WDR13: variants seen among roughly 807,000 people sequenced by gnomAD.
WDR13 encodes WD repeat domain 13, also known as WD repeat-containing protein 13.
A neutral mutation model predicts 28.6 loss-of-function variants in WDR13; 1 was observed. The observed-to-expected ratio is 0.03, with a 90% CI of 0.01 to 0.17. The LOEUF (loss-of-function observed/expected upper bound fraction) is 0.17, where lower values mean the gene tolerates loss of function less well. Among genes scored for constraint, WDR13 ranks in the 10% least tolerant of loss-of-function variants. The pLI is 1.00. For synonymous variants in WDR13, 201 were observed against 185.9 expected (o/e 1.08, Z -0.66); for missense variants, 264 against 469.3 (o/e 0.56, Z 4.04).
Position 48,598,006 on chromosome X carries a change from G to A in WDR13, c.10G>A (p.Val4Met). ...AGGAGGAGGCCGGGGAATGGCCGCGGTGTGGCAGCAAGTCTTAGCAGTGGA... is the reference window on the plus strand; with the variant it reads ...AGGAGGAGGCCGGGGAATGGCCGCGATGTGGCAGCAAGTCTTAGCAGTGGA... MAA[V>M]WQQVLAVDAR... Residue 4 changes from valine (V) to methionine (M), a missense_variant, in exon 2 of 10, where the codon GTG becomes ATG. Transcript: ENST00000376729. The A allele has an allele frequency of 8.6e-7, 1 of 1,166,204 alleles. No individual in the cohort carries two copies. Among genetic ancestry groups the A allele is most frequent in the Non-Finnish European group, 1.1e-6 (1 of 872,383 alleles).
rs1472062383 is a variant in WDR13 at position 48,607,901 on chromosome X, T to TG, written c.*2872dup. 4 of 108,394 alleles carry TG rather than the reference T, an allele frequency of 3.7e-5. No individual in the cohort carries two copies. Among genetic ancestry groups the TG allele is most frequent in the African/African-American group, 1.3e-4 (4 of 29,689 alleles). 8.9% of individuals were successfully genotyped at this position (108,394 alleles called of 1,213,427 possible). The stretch of plus-strand genomic sequence containing the variant: ...CTCCTGCCTCAGCTTCCTGAATAGC[T>TG]GGGACTACAGGCGCCTGCCACCACC... On this transcript the variant is annotated 3_prime_UTR_variant, in exon 10 of 10. Coordinates refer to ENST00000376729, the MANE Select transcript of WDR13 (RefSeq NM_001347217.2).
At position 48,601,880 on chromosome X, in the gene WDR13, C is replaced by A. The variant is rs2062188745; in HGVS notation, c.928C>A (p.Leu310Met). 1 of 1,206,357 alleles carries A rather than the reference C, an allele frequency of 8.3e-7. No individual in the cohort carries two copies. The highest frequency in any genetic ancestry group is 1.7e-5 in the African/African-American group (1 of 57,442). Residue 310 changes from leucine (L) to methionine (M), a missense_variant, in exon 7 of 10, where the codon CTG (leucine) becomes ATG (methionine). Transcript: ENST00000376729. Reference protein sequence around the residue: ...SSKLTGRVLALSFDAPGRLLW... With the variant: ...SSKLTGRVLAMSFDAPGRLLW... ...CAAGCTGACAGGCCGTGTCCTTGCT[C>A]TGTCCTTTGATGCCCCTGGCCGGCT...
chrX:48,603,381 C>T (rs2062200388), intron 8 of WDR13, among the ~76,000 whole-genome samples: 1 of 111,313 alleles, frequency 9.0e-6, no homozygotes, highest in Admixed American at 9.5e-5. Flanking sequence ...GGCACAGTGG[C>T]GCACTCCTGT....
Position 48,598,993 on chromosome X carries a change from C to T in WDR13, c.282+36C>T, listed in dbSNP as rs2147221691. 4 of 1,171,380 alleles carry T rather than the reference C, an allele frequency of 3.4e-6. No individual in the cohort carries two copies. The East Asian group carries it at 9.0e-5, about 26-fold the overall frequency. ...GGCCACATTCACCCCCGGGCATACC[C>T]TGCCTGCACACATTCACTCCACTGA... On this transcript the variant is annotated intron_variant, in intron 3 of 9. Transcript: ENST00000376729.
chrX:48,604,370 T>C lies in WDR13; in HGVS notation c.1253T>C (p.Phe418Ser). The C allele has an allele frequency of 8.3e-7, 1 of 1,210,220 alleles. No individual in the cohort carries two copies. Among genetic ancestry groups the C allele is most frequent in the Non-Finnish European group, 1.1e-6 (1 of 894,657 alleles). The change falls in exon 9 of 10, where the codon TTC becomes TCC. Residue 418 changes from phenylalanine to serine, a missense_variant. Around this residue, in one of 4 missense-constraint regions of WDR13, gnomAD observed 157 missense variants for 270.2 expected, o/e 0.58. Transcript: ENST00000376729. ...AGCATCTTCTGTCCCCTCATGTCCTTCCGCCAGGGGGCCTGCGTGGGTGAG... is the reference window on the plus strand; with the variant it reads ...AGCATCTTCTGTCCCCTCATGTCCTCCCGCCAGGGGGCCTGCGTGGGTGAG... ...VRSIFCPLMSFRQGACVVTGS... is the reference protein window; with the variant it reads ...VRSIFCPLMSSRQGACVVTGS...
chrX:48,601,991 G>C lies in WDR13; in HGVS notation c.1012+27G>C, dbSNP rs368337074. The C allele has an allele frequency of 3.3e-5, 39 of 1,190,768 alleles. No homozygotes were observed. In the African/African-American group the frequency reaches 6.7e-4, roughly 20 times the overall value. On this transcript the variant is annotated intron_variant, in intron 7 of 9. Transcript: ENST00000376729. Reference sequence around the variant, plus strand: ...TAGGCAGACAGCAGGCCTGCATCTGGGTGCTCGCCCTCCAGCCCTCCCAGG... The same window carrying C: ...TAGGCAGACAGCAGGCCTGCATCTGCGTGCTCGCCCTCCAGCCCTCCCAGG...
In WDR13 at chrX:48,602,062, C is replaced by T; in HGVS notation, c.1013-3C>T. 2 of 1,210,190 alleles carry T rather than the reference C, an allele frequency of 1.7e-6. No individual in the cohort carries two copies. The highest frequency in any genetic ancestry group is 1.1e-6 in the Non-Finnish European group (1 of 894,057). ...TTTGCCTTCCCTCCCTCTGCTGCTG[C>T]AGGGAAGCTGACCAAAGCCAAGCGT... is the stretch of plus-strand genomic sequence containing the variant. On this transcript the variant is annotated splice_polypyrimidine_tract_variant and splice_region_variant and intron_variant, in intron 7 of 9. Coordinates refer to ENST00000376729, the MANE Select transcript of WDR13 (RefSeq NM_001347217.2).
chrX:48,601,771 A>C lies in WDR13; in HGVS notation c.832-13A>C, dbSNP rs2062187818. 1.7e-6 allele frequency: 2 copies of C among 1,155,628 alleles called. No individual in the cohort carries two copies. The highest frequency in any genetic ancestry group is 2.6e-5 in the Admixed American group (1 of 38,927). ...CTGGAAGCAGGATGATGGTCTGTGC[A>C]TTCTCCCCACAGGTGGGGAACGCCA... On this transcript the variant is annotated splice_polypyrimidine_tract_variant and intron_variant, in intron 6 of 9. Transcript: ENST00000376729.
At position 48,607,177 on chromosome X, in the gene WDR13, A is replaced by T. The variant is rs2062225210; in HGVS notation, c.*2145A>T. The T allele has an allele frequency of 9.0e-6, 1 of 110,508 alleles. No homozygotes were observed. Among genetic ancestry groups the T allele is most frequent in the Non-Finnish European group, 1.9e-5 (1 of 52,867 alleles). 9.1% of individuals were successfully genotyped at this position (110,508 alleles called of 1,213,427 possible). A position where few individuals can be genotyped will look rare whatever the true frequency, so the allele number is the denominator to read the frequency against. ...ATATGGAGCAAAATCAGCAAAAAGAAATGGTGTGCAGGACCAACTCCCAGA... is the reference window on the plus strand; with the variant it reads ...ATATGGAGCAAAATCAGCAAAAAGATATGGTGTGCAGGACCAACTCCCAGA... On this transcript the variant is annotated 3_prime_UTR_variant, in exon 10 of 10. Transcript: ENST00000376729.
chrX:48,597,967 G>C lies in WDR13; in HGVS notation c.-30G>C. 4.3e-6 allele frequency: 5 copies of C among 1,164,752 alleles called. No individual in the cohort carries two copies. Among genetic ancestry groups the C allele is most frequent in the Non-Finnish European group, 5.7e-6 (5 of 871,840 alleles). ...GGCCCTTGTCCTGCAGGCTGCCGCG[G>C]GCGGACACGCCAGAGGAGGAGGCCG... On this transcript the variant is annotated 5_prime_UTR_variant, in exon 2 of 10. Transcript: ENST00000376729.
At position 48,600,359 on chromosome X, in the gene WDR13, G is replaced by A. The variant is rs782294723; in HGVS notation, c.564G>A (p.Leu188=). 1 of 1,207,451 alleles carries A rather than the reference G, an allele frequency of 8.3e-7. No individual in the cohort carries two copies. Residue 188 remains leucine, a synonymous_variant, in exon 6 of 10, where the codon CTG becomes CTA. Transcript: ENST00000376729. The stretch of plus-strand genomic sequence containing the variant: ...TCGCCAATGATGACCGACACCGCCT[G>A]GCCTGCTGCTCACTCGACGGCAGCA... ...VRFANDDRHR[L]ACCSLDGSIS...
chrX:48,598,646 A>AC (rs782677176), intron 2 of WDR13, 71 bp from the exon 3 acceptor site: 20,134 of 815,903 alleles, frequency 0.025, 672 homozygotes, highest in African/African-American at 0.2. Context: ...CTCCTGCCGT[A>AC]CCCCCCCCCC....
At chrX:48,603,427 C>T (rs2062200741) in intron 8 of WDR13, among the ~76,000 whole-genome samples, 1 of 111,972 alleles carries the variant, frequency 8.9e-6, no homozygotes, top group Admixed American at 9.5e-5. Flanking sequence ...GCGGGTGGAT[C>T]ACCTGAGGTC....
At chrX:48,598,194 G>A in intron 2 of WDR13, 157 bp downstream of exon 2, 2 of 1,130,010 alleles carry the variant, frequency 1.8e-6, no homozygotes, top group Non-Finnish European at 1.2e-6. Flanking sequence ...CCCGCGGTGA[G>A]TTGGCTGCGC....
rs1445744500 is a variant in WDR13, at chrX:48,607,250, C to A, written c.*2218C>A. On this transcript the variant is annotated 3_prime_UTR_variant, in exon 10 of 10. Coordinates refer to ENST00000376729, the MANE Select transcript of WDR13 (RefSeq NM_001347217.2). ...GGGCTTCTCTCTCATTGGAGTCACACAAGATGTGCTCGGTTCACAGTAATG... is the reference window on the plus strand; with the variant it reads ...GGGCTTCTCTCTCATTGGAGTCACAAAAGATGTGCTCGGTTCACAGTAATG... The A allele has an allele frequency of 1.8e-5, 2 of 110,679 alleles. No individual in the cohort carries two copies. Among genetic ancestry groups the A allele is most frequent in the Non-Finnish European group, 3.8e-5 (2 of 52,938 alleles). 9.1% of individuals were successfully genotyped at this position (110,679 alleles called of 1,213,427 possible).
At chrX:48,597,720 A>T (rs1399590666) in intron 1 of WDR13, 106 bp downstream of exon 1, 1 of 320,938 alleles carries the variant, frequency 3.1e-6, no homozygotes, top group Non-Finnish European at 5.3e-6. Context: ...TAGGCGGGGG[A>T]GGGGCGTTGC....
intron 6 of WDR13, among the ~76,000 whole-genome samples, chrX:48,601,133 G>A (rs2062182894): frequency 8.9e-6 from 1 of 112,250 alleles, no homozygotes; most frequent in African/African-American, 3.2e-5. Flanking sequence ...TGGCCTTGCT[G>A]TGGTACACTC....
Position 48,598,050 on chromosome X carries a change from GT to G in WDR13, c.41+14del, listed in dbSNP as rs1312314925. 2.7e-5 allele frequency: 32 copies of G among 1,163,843 alleles called. No homozygotes were observed. Among genetic ancestry groups the G allele is most frequent in the Non-Finnish European group, 3.7e-5 (32 of 871,507 alleles). On this transcript the variant is annotated intron_variant, in intron 2 of 9. Transcript: ENST00000376729. ...CAGTGGACGCGAGGTGAGGCGTGGG[GT>G]CAAAGCCCATGGGAGCAGAACTTAC...
chrX:48,602,863 G>A (rs1484242996), intron 8 of WDR13, among the ~76,000 whole-genome samples: 1 of 110,130 alleles, frequency 9.1e-6, no homozygotes, highest in Non-Finnish European at 1.9e-5. Context: ...TTTAATTTAA[G>A]CGTACCCTTA....
Sources: allele counts gnomAD v4.1 joint callset (sites outside exome capture counted in the v4.1 genomes callset), GRCh38; gene constraint gnomAD v4.1.1; regional missense constraint gnomAD v4.1.1; transcripts MANE v1.5; gene names NCBI Gene and HGNC (gene_info 2026-07-23, HGNC 2026-07-21).